The following ETHE1 variants were observed in gnomAD, a reference collection of about 807,000 sequenced individuals.
ETHE1 encodes persulfide dioxygenase ETHE1, mitochondrial.
In ETHE1, 16 loss-of-function variants were observed where a neutral mutation model predicts 25.7. The ratio of observed to expected loss-of-function variants is 0.62; its 90% CI spans 0.42 to 0.95. The LOEUF (loss-of-function observed/expected upper bound fraction) is 0.95. Among genes scored for constraint, ETHE1 ranks in the 40% least tolerant of loss-of-function variants. The pLI is 0.00. For synonymous variants in ETHE1, 139 were observed against 135.9 expected (o/e 1.02, Z -0.16); for missense variants, 300 against 333.6 (o/e 0.90, Z 0.79).
intron 4 of ETHE1, 138 bp from the exon 5 acceptor site, chr19:43,509,002 A>C: frequency 1.4e-6 from 1 of 734,122 alleles, no homozygotes; most frequent in Non-Finnish European, 2.4e-6. Context: ...CCTTTGTCTA[A>C]GTAGAGAACA....
At chr19:43,508,113 C>T (rs1971832679) in intron 5 of ETHE1, 53 bp from the exon 6 acceptor site, 1 of 1,606,618 alleles carries the variant, frequency 6.2e-7, no homozygotes, top group African/African-American at 1.3e-5. Context: ...CCTCAGGCCT[C>T]TCAGAACTAC....
chr19:43,511,016 C>T (rs1260176969), intron 4 of ETHE1, among the ~76,000 whole-genome samples: 2 of 151,970 alleles, frequency 1.3e-5, no homozygotes, highest in Non-Finnish European at 2.9e-5. Context: ...ATCTAGGTTG[C>T]GTTCTCCTTA....
rs1171132747 is a variant in ETHE1 at position 43,507,998 on chromosome 19, C to G, written c.658G>C (p.Glu220Gln). Residue 220 changes from glutamate (E) to glutamine (Q), a missense_variant, in exon 6 of 7, where the codon GAG (glutamate) becomes CAG (glutamine). Glu to Gln is a conservative substitution (Grantham distance 29). Transcript: ENST00000292147. ...TTGCCCATGATTTTGACAAACTCCTCACAGCTGAGGGTGAGCCGAGGGTTC... is the reference window on the plus strand; with the variant it reads ...TTGCCCATGATTTTGACAAACTCCTGACAGCTGAGGGTGAGCCGAGGGTTC... ...TLNPRLTLSC[E>Q]EFVKIMGNLN... The G allele has an allele frequency of 6.2e-7, 1 of 1,614,168 alleles. No individual in the cohort carries two copies.
rs939716292 is a variant in ETHE1, at chr19:43,506,787, T to C, written c.*63A>G. 2.8e-5 allele frequency: 41 copies of C among 1,478,434 alleles called. No homozygotes were observed. The African/African-American group carries it at 4.8e-4, about 17-fold the overall frequency. 91.6% of individuals were successfully genotyped at this position (1,478,434 alleles called of 1,614,324 possible). On this transcript the variant is annotated 3_prime_UTR_variant, in exon 7 of 7. Coordinates refer to ENST00000292147, the MANE Select transcript of ETHE1 (RefSeq NM_014297.5). Reference sequence around the variant, plus strand: ...GTGGGAAAGGAGAGGTGCAGTGTCATTGCCGCCCTCTCCTCCCACCTAGTG... The same window carrying C: ...GTGGGAAAGGAGAGGTGCAGTGTCACTGCCGCCCTCTCCTCCCACCTAGTG...
intron 3 of ETHE1, among the ~76,000 whole-genome samples, chr19:43,513,208 G>A (rs1232888667): frequency 1.3e-5 from 2 of 152,184 alleles, no homozygotes; most frequent in African/African-American, 2.4e-5. Context: ...CCTCTGCTAG[G>A]ACAGTGCAGA....
chr19:43,508,912 T>C, intron 4 of ETHE1, 48 bp from the exon 5 acceptor site: 3 of 1,391,730 alleles, frequency 2.2e-6, no homozygotes, highest in South Asian at 1.2e-5. Context: ...GACAGAAGAC[T>C]CTAACCCCTT....
chr19:43,523,003 C>T (rs1972165656), intron 3 of ETHE1, among the ~76,000 whole-genome samples: 1 of 152,128 alleles, frequency 6.6e-6, no homozygotes, highest in South Asian at 2.1e-4. Flanking sequence ...CAAGTATAAA[C>T]CAACATCATG....
chr19:43,521,683 AAG>A (rs1568499641), intron 3 of ETHE1, among the ~76,000 whole-genome samples: 1 of 104,622 alleles, frequency 9.6e-6, no homozygotes, highest in Non-Finnish European at 2.2e-5. Context: ...AAAAAAAAAA[AAG>A]AAAGAAAGAA....
chr19:43,513,551 C>T (rs4544340), intron 3 of ETHE1, among the ~76,000 whole-genome samples: 26,420 of 152,126 alleles, frequency 0.17, 2,376 homozygotes, highest in Non-Finnish European at 0.19. Flanking sequence ...AGGACTTGCA[C>T]GGAGCCTGCA....
At position 43,527,108 on chromosome 19, in the gene ETHE1, G is replaced by A; in HGVS notation, c.70C>T (p.Leu24Phe). The A allele has an allele frequency of 1.3e-6, 2 of 1,557,658 alleles. No homozygotes were observed. The highest frequency in any genetic ancestry group is 1.7e-6 in the Non-Finnish European group (2 of 1,154,148). ...SQRGGSGAPI[L>F]LRQMFEPVSC... ...CCAGCCACCCGCACCTGCCGCAGGA[G>A]GATGGGGGCTCCAGACCCGCCGCGC... Residue 24 changes from leucine to phenylalanine, a missense_variant, in exon 1 of 7, where the codon CTC (leucine) becomes TTC (phenylalanine). Transcript: ENST00000292147.
Position 43,507,945 on chromosome 19 carries a change from T to A in ETHE1, c.711A>T (p.Ile237=), listed in dbSNP as rs751021285. ...AAGTCCAGGTCCCCAGCTGCTCACCTATCTGCTGAGGTTTAGGCAAGTTCA... is the reference window on the plus strand; with the variant it reads ...AAGTCCAGGTCCCCAGCTGCTCACCAATCTGCTGAGGTTTAGGCAAGTTCA... ...GNLNLPKPQQ[I]DFAVPANMRC... The change falls in exon 6 of 7, where the codon ATA becomes ATT. Residue 237 remains isoleucine (I), a splice_region_variant and synonymous_variant. Transcript: ENST00000292147. The A allele has an allele frequency of 1.2e-6, 2 of 1,608,730 alleles. No homozygotes were observed. Among genetic ancestry groups the A allele is most frequent in the Non-Finnish European group, 8.5e-7 (1 of 1,176,746 alleles).
intron 4 of ETHE1, among the ~76,000 whole-genome samples, chr19:43,510,440 A>G (rs1971889387): frequency 1.3e-5 from 2 of 151,162 alleles, no homozygotes. Flanking sequence ...GGTTCAAGTA[A>G]ATCTCTGCCT....
rs116144585 is a variant in ETHE1, at chr19:43,511,930, G to T, written c.376-364C>A. Among the ~76,000 whole-genome samples the T allele has an allele frequency of 7.6e-3, 1,156 of 152,122 alleles. 11 individuals are homozygous for T. The highest frequency in any genetic ancestry group is 0.025 in the African/African-American group (1,025 of 41,484). ...AGGCAGGAGGTAATTGAATAATGGG[G>T]GCAGGTTTTTCCCATGCTGTCTCGT... On this transcript the variant is annotated intron_variant, in intron 3 of 6. Transcript: ENST00000292147.
intron 3 of ETHE1, among the ~76,000 whole-genome samples, chr19:43,520,304 G>A (rs1280173511): frequency 1.3e-5 from 2 of 152,158 alleles, no homozygotes; most frequent in Non-Finnish European, 2.9e-5. Context: ...AGAGGTTGCA[G>A]TAAACCAAGA....
At chr19:43,518,722 G>T (rs1461384252) in intron 3 of ETHE1, among the ~76,000 whole-genome samples, 3 of 133,078 alleles carry the variant, frequency 2.3e-5, no homozygotes, top group Non-Finnish European at 4.6e-5. Flanking sequence ...CTGCACTCCA[G>T]CCTGGGCGAC....
Position 43,508,819 on chromosome 19 carries a change from G to T in ETHE1, c.551C>A (p.Thr184Lys), listed in dbSNP as rs377420663. ...LYHSVHEKIF[T>K]LPGDCLIYPA... ...GTAGATCAGACAGTCTCCTGGAAGT[G>T]TGAAGATCTTTTCATGGACCGAGTG... Residue 184 changes from threonine to lysine, a missense_variant, in exon 5 of 7, where the codon ACA becomes AAA. Transcript: ENST00000292147. 9 of 1,609,058 alleles carry T rather than the reference G, an allele frequency of 5.6e-6. No homozygotes were observed. Among genetic ancestry groups the T allele is most frequent in the Non-Finnish European group, 7.6e-6 (9 of 1,178,080 alleles).
intron 3 of ETHE1, among the ~76,000 whole-genome samples, chr19:43,518,354 CA>C (rs531276110): frequency 6.9e-6 from 1 of 144,702 alleles, no homozygotes; most frequent in East Asian, 2.0e-4. Flanking sequence ...CTATCTCTAC[CA>C]AAAAAAGAAA....
chr19:43,521,452 AG>A (rs1411579531), intron 3 of ETHE1, among the ~76,000 whole-genome samples: 1 of 152,108 alleles, frequency 6.6e-6, no homozygotes, highest in African/African-American at 2.4e-5. Flanking sequence ...CACATGAGCA[AG>A]GGTGTCTCTG....
intron 5 of ETHE1, 50 bp from the exon 6 acceptor site, chr19:43,508,110 C>G (rs772107352): frequency 6.2e-7 from 1 of 1,607,234 alleles, no homozygotes; most frequent in African/African-American, 1.3e-5. Context: ...GTGCCTCAGG[C>G]CTCTCAGAAC....
Sources: allele counts gnomAD v4.1 joint callset (sites outside exome capture counted in the v4.1 genomes callset), GRCh38; gene constraint gnomAD v4.1.1; transcripts MANE v1.5; gene names NCBI Gene and HGNC (gene_info 2026-07-23, HGNC 2026-07-21).